CCSER1: variants seen among roughly 807,000 people sequenced by gnomAD.
The protein encoded by CCSER1 is coiled-coil serine rich protein 1.
A neutral mutation model predicts 82.0 loss-of-function variants in CCSER1; 41 were observed. The ratio of observed to expected loss-of-function variants is 0.50; its 90% CI spans 0.39 to 0.65. The LOEUF (loss-of-function observed/expected upper bound fraction) is 0.65. Among genes scored for constraint, CCSER1 ranks in the 30% least tolerant of loss-of-function variants. The pLI is 0.00. For synonymous variants in CCSER1, 414 were observed against 383.9 expected, an observed-to-expected ratio of 1.08 and a Z score of -0.92; for missense variants, 1,119 against 1,064.2, an observed-to-expected ratio of 1.05 and a Z score of -0.72.
intron 8 of CCSER1, among the ~76,000 whole-genome samples, chr4:90,896,018 A>G (rs1300539197): frequency 6.6e-6 from 1 of 151,962 alleles, no homozygotes; most frequent in East Asian, 1.9e-4. Context: ...CGGAGGAAAA[A>G]ATATGAAGGG....
chr4:90,692,589 G>T (rs760094038), intron 6 of CCSER1, among the ~76,000 whole-genome samples: 5 of 151,806 alleles, frequency 3.3e-5, no homozygotes, highest in Non-Finnish European at 7.4e-5. Flanking sequence ...ATAAGATGTT[G>T]GTTAAATACA....
chr4:91,524,203 A>C (rs1265373210), intron 10 of CCSER1, among the ~76,000 whole-genome samples: 4 of 152,198 alleles, frequency 2.6e-5, no homozygotes, highest in Non-Finnish European at 5.9e-5. Context: ...ATATCACTTT[A>C]GAAATTTTAA....
At position 91,600,736 on chromosome 4, in the gene CCSER1, T is replaced by C. The variant is rs1477682332; in HGVS notation, c.*1679T>C. The C allele has an allele frequency of 6.6e-6, 1 of 152,162 alleles. No homozygotes were observed. The highest frequency in any genetic ancestry group is 1.5e-5 in the Non-Finnish European group (1 of 68,024). 9.4% of individuals were successfully genotyped at this position (152,162 alleles called of 1,614,324 possible). ...GATAAAGTAAGGAGTCGAGTGGATA[T>C]GTTGTACTTGTAATTTTGGTTTTCC... On this transcript the variant is annotated 3_prime_UTR_variant, in exon 11 of 11. Coordinates refer to ENST00000509176, the MANE Select transcript of CCSER1 (RefSeq NM_001145065.2).
In CCSER1 at chr4:91,273,706, C is replaced by T. The variant is rs534335782; in HGVS notation, c.2217+187712C>T. ...CAGCTCTCAGATGGAGTGCTTTAAA[C>T]TTTTCTCTATTCAGTATTATGTTGG... On this transcript the variant is annotated intron_variant, in intron 10 of 10. Coordinates refer to ENST00000509176, the MANE Select transcript of CCSER1 (RefSeq NM_001145065.2). Among the ~76,000 whole-genome samples, 214 of 152,168 alleles carry T rather than the reference C, an allele frequency of 1.4e-3. 1 individual carries two copies. The highest frequency in any genetic ancestry group is 4.6e-3 in the African/African-American group (193 of 41,528).
chr4:91,568,238 T>C (rs562473351), intron 10 of CCSER1, among the ~76,000 whole-genome samples: 2 of 152,160 alleles, frequency 1.3e-5, no homozygotes, highest in Non-Finnish European at 2.9e-5. Flanking sequence ...GGAATTTCTT[T>C]TGTAGGTGAC....
rs556327046 is a variant in CCSER1 at position 90,705,931 on chromosome 4, C to T, written c.1933-17983C>T. ...GACCCCTTGCACTTCCGGGGTCAGG[C>T]GATGCCTTGCCCTGCTTCAGCTTAC... is the stretch of plus-strand genomic sequence containing the variant. On this transcript the variant is annotated intron_variant, in intron 6 of 10. Transcript: ENST00000509176. Among the ~76,000 whole-genome samples, 198 of 152,306 alleles carry T rather than the reference C, an allele frequency of 1.3e-3. 1 individual carries two copies. The highest frequency in any genetic ancestry group is 4.0e-3 in the African/African-American group (165 of 41,582).
intron 1 of CCSER1, among the ~76,000 whole-genome samples, chr4:90,241,388 G>T (rs1746805016): frequency 6.6e-6 from 1 of 152,098 alleles, no homozygotes; most frequent in African/African-American, 2.4e-5. Context: ...TATTTACAAA[G>T]ATACATATTA....
intron 5 of CCSER1, among the ~76,000 whole-genome samples, chr4:90,498,533 T>C (rs1769369977): frequency 6.6e-6 from 1 of 152,230 alleles, no homozygotes; most frequent in African/African-American, 2.4e-5. Context: ...TGAAATCTGA[T>C]ACATACAATA....
intron 9 of CCSER1, among the ~76,000 whole-genome samples, chr4:91,081,821 C>A (rs547167203): frequency 3.4e-4 from 51 of 152,058 alleles, no homozygotes; most frequent in Admixed American, 6.6e-4. Context: ...CAATTGCTTC[C>A]AAGAGAATAA....
intron 9 of CCSER1, among the ~76,000 whole-genome samples, chr4:90,953,342 AT>A (rs56156733): frequency 6.1e-4 from 92 of 150,972 alleles, no homozygotes; most frequent in Non-Finnish European, 1.1e-3. Context: ...TATTTCATTG[AT>A]TTTTTTTTAT....
rs75833208 is a variant in CCSER1 at position 91,056,679 on chromosome 4, G to A, written c.2173-29271G>A. Among the ~76,000 whole-genome samples, 735 of 152,236 alleles carry A rather than the reference G, an allele frequency of 4.8e-3. 6 individuals carry two copies. Among genetic ancestry groups the A allele is most frequent in the African/African-American group, 0.016 (661 of 41,544 alleles). On this transcript the variant is annotated intron_variant, in intron 9 of 10. Transcript: ENST00000509176. ...GTTGAATTTTTTGTGAAAACTGTGC[G>A]TCTAAATCCAATAATGTGGTAACTC...
chr4:90,635,623 T>C (rs2148954659), intron 6 of CCSER1, among the ~76,000 whole-genome samples: 1 of 151,956 alleles, frequency 6.6e-6, no homozygotes, highest in Admixed American at 6.6e-5. Context: ...GTGCGATAAT[T>C]CGTAACCTTT....
At chr4:90,616,272 T>C (rs1721174476) in intron 5 of CCSER1, among the ~76,000 whole-genome samples, 2 of 152,200 alleles carry the variant, frequency 1.3e-5, no homozygotes, top group South Asian at 4.1e-4. Flanking sequence ...GGTATGCCTG[T>C]ATACCAAAAT....
At chr4:91,458,971 A>G (rs1451680749) in intron 10 of CCSER1, among the ~76,000 whole-genome samples, 2 of 152,096 alleles carry the variant, frequency 1.3e-5, no homozygotes, top group Non-Finnish European at 2.9e-5. Flanking sequence ...TATTTGTTGA[A>G]CAAATGTAGG....
chr4:90,704,218 C>T lies in CCSER1; in HGVS notation c.1933-19696C>T, dbSNP rs541829577. On this transcript the variant is annotated intron_variant, in intron 6 of 10. Transcript: ENST00000509176. ...TGCTTGTGTGTAAAGGATTTTATTT[C>T]TCCTTCACTTATGAAGCTTAGTTTG... 1.4e-3 allele frequency among the ~76,000 whole-genome samples: 211 copies of T among 152,218 alleles called. 1 individual carries two copies. Among genetic ancestry groups the T allele is most frequent in the Middle Eastern group, 6.8e-3 (2 of 294 alleles).
intron 7 of CCSER1, among the ~76,000 whole-genome samples, chr4:90,728,883 A>G (rs1024704212): frequency 4.6e-5 from 7 of 152,176 alleles, no homozygotes; most frequent in East Asian, 1.9e-4. Context: ...GGATCACACT[A>G]TTTTAAGAAA....
At chr4:91,083,376 A>C (rs1453666121) in intron 9 of CCSER1, among the ~76,000 whole-genome samples, 1 of 152,008 alleles carries the variant, frequency 6.6e-6, no homozygotes, top group Non-Finnish European at 1.5e-5. Flanking sequence ...ACACACAGAC[A>C]CAAGGTGGGG....
intron 6 of CCSER1, among the ~76,000 whole-genome samples, chr4:90,665,010 A>G (rs1424103207): frequency 6.6e-6 from 1 of 152,220 alleles, no homozygotes; most frequent in Non-Finnish European, 1.5e-5. Context: ...GAAGATTACT[A>G]TATTAAACAT....
intron 7 of CCSER1, among the ~76,000 whole-genome samples, chr4:90,759,570 A>G (rs954463349): frequency 1.3e-5 from 2 of 152,168 alleles, no homozygotes; most frequent in Non-Finnish European, 2.9e-5. Flanking sequence ...TTATTGTTGC[A>G]CCATGGCCAA....
Sources: gnomAD v4.1 joint callset for allele counts (sites outside exome capture counted in the v4.1 genomes callset) on GRCh38, gnomAD v4.1.1 for gene constraint, MANE v1.5 for transcripts, NCBI Gene and HGNC (gene_info 2026-07-23, HGNC 2026-07-21) for gene names.